Variants in CCDC141 observed in about 807,000 individuals in gnomAD.
CCDC141 encodes the protein coiled-coil domain-containing protein 141.
A neutral mutation model predicts 181.0 loss-of-function variants in CCDC141; 168 were observed. That is an observed-to-expected ratio of 0.93 (90% confidence interval 0.82 to 1.05). The LOEUF (loss-of-function observed/expected upper bound fraction) is 1.05, where lower values mean the gene tolerates loss of function less well. Ranked by LOEUF, CCDC141 falls within the 50% of genes least tolerant of loss-of-function variation. CCDC141 has a pLI of 0.00. For synonymous variants in CCDC141, 666 were observed against 642.3 expected, an observed-to-expected ratio of 1.04 and a Z score of -0.56; for missense variants, 1,902 against 1,788.5, an observed-to-expected ratio of 1.06 and a Z score of -1.14.
chr2:178,816,623 T>C, the CCDC141 span, among the ~76,000 whole-genome samples: 1 of 152,212 alleles, frequency 6.6e-6, no homozygotes, highest in Admixed American at 6.5e-5. Flanking sequence ...CCGAACTGTC[T>C]TCCAAAGTGG....
At chr2:179,005,382 A>G (rs1443903392) in intron 2 of CCDC141, among the ~76,000 whole-genome samples, 2 of 152,214 alleles carry the variant, frequency 1.3e-5, no homozygotes, top group Admixed American at 1.3e-4. Flanking sequence ...GTTTTAAAAT[A>G]CGTTATAATG....
intron 7 of CCDC141, among the ~76,000 whole-genome samples, chr2:178,914,863 A>G (rs1342737100): frequency 1.3e-5 from 2 of 152,200 alleles, no homozygotes; most frequent in African/African-American, 4.8e-5. Flanking sequence ...ATCCCTATCT[A>G]GAATTGTTAG....
At chr2:178,993,724 A>G (rs1692159896) in intron 2 of CCDC141, among the ~76,000 whole-genome samples, 1 of 152,212 alleles carries the variant, frequency 6.6e-6, no homozygotes, top group Non-Finnish European at 1.5e-5. Flanking sequence ...AGACAAGGTG[A>G]GTCCCTTCTG....
In CCDC141 at chr2:178,980,366, C is replaced by A. The variant is rs531007127; in HGVS notation, c.226-1691G>T. Among the ~76,000 whole-genome samples the A allele has an allele frequency of 4.7e-4, 72 of 152,208 alleles. 2 individuals carry two copies. In the South Asian group the frequency reaches 0.015, roughly 32 times the overall value. ...TCTGGAGGCTGAGGCAGGAGAATGG[C>A]ATGAACCCAGGAGGTGGAGCTTGCA... On this transcript the variant is annotated intron_variant, in intron 2 of 23. Transcript: ENST00000443758.
At chr2:178,901,620 G>A (rs1687696082) in intron 8 of CCDC141, among the ~76,000 whole-genome samples, 1 of 151,892 alleles carries the variant, frequency 6.6e-6, no homozygotes, top group Admixed American at 6.6e-5. Flanking sequence ...AATAATAAGA[G>A]CTATCTATGA....
At position 178,837,069 on chromosome 2, in the gene CCDC141, T is replaced by A. The variant is rs1260367616; in HGVS notation, c.4150A>T (p.Arg1384Trp). 6.2e-7 allele frequency: 1 copy of A among 1,614,004 alleles called. No homozygotes were observed. Among genetic ancestry groups the A allele is most frequent in the Non-Finnish European group, 8.5e-7 (1 of 1,179,964 alleles). ...FQSGTSRGYQRQMVPREEIKS... is the reference protein window; with the variant it reads ...FQSGTSRGYQWQMVPREEIKS... ...ATCTCTTCTCGAGGAACCATTTGCC[T>A]CTGATAGCCCCTGCTGGTGCCTGAT... The change falls in exon 23 of 24, where the codon AGG becomes TGG. Residue 1384 changes from arginine (R) to tryptophan (W), a missense_variant. Transcript: ENST00000443758.
intron 2 of CCDC141, among the ~76,000 whole-genome samples, chr2:178,998,711 C>T (rs1389252527): frequency 6.6e-6 from 1 of 152,002 alleles, no homozygotes; most frequent in Non-Finnish European, 1.5e-5. Context: ...CTGTTTTCTG[C>T]ACTCTTTTAC....
intron 5 of CCDC141, among the ~76,000 whole-genome samples, chr2:178,959,310 T>A (rs1243946983): frequency 1.9e-4 from 27 of 145,916 alleles, no homozygotes; most frequent in Non-Finnish European, 3.2e-4. Context: ...AAAATAAAAA[T>A]AAAAAATAAA....
At chr2:178,829,428 A>C (rs1684177554), downstream of CCDC141, among the ~76,000 whole-genome samples, 1 of 152,204 alleles carries the variant, frequency 6.6e-6, no homozygotes, top group African/African-American at 2.4e-5. Context: ...TCATGCCTCC[A>C]ACCTGCACTG....
chr2:178,846,632 G>T (rs1297673168), intron 21 of CCDC141, among the ~76,000 whole-genome samples: 8 of 152,178 alleles, frequency 5.3e-5, no homozygotes, highest in Admixed American at 1.3e-4. Context: ...GTATGCAGCT[G>T]ATATCTTATT....
At position 178,837,400 on chromosome 2, in the gene CCDC141, C is replaced by CGCAAAG. The variant is rs1684528458; in HGVS notation, c.3813_3818dup (p.Phe1272_Ala1273dup). The stretch of plus-strand genomic sequence containing the variant: ...TTTCTCTCTTATCATTGCATGCATC[C>CGCAAAG]GCAAAGGCAACAGGTGGTGGAAGAA... On this transcript the variant is annotated inframe_insertion, in exon 23 of 24. Transcript: ENST00000443758. The CGCAAAG allele has an allele frequency of 6.2e-7, 1 of 1,614,084 alleles. No individual in the cohort carries two copies. The highest frequency in any genetic ancestry group is 8.5e-7 in the Non-Finnish European group (1 of 1,180,000).
At position 178,865,884 on chromosome 2, in the gene CCDC141, C is replaced by T; in HGVS notation, c.2607G>A (p.Gln869=). The change falls in exon 17 of 24, where the codon CAG becomes CAA. Residue 869 remains glutamine, a synonymous_variant. Transcript: ENST00000443758. ...HCSNVSAKNL[Q]QQLELLEEDS... ...CCTCCTCAAGGAGCTCCAGCTGCTG[C>T]TGTAGGTTCTTTGCAGAAACATTAG... 6.3e-7 allele frequency: 1 copy of T among 1,597,654 alleles called. No individual in the cohort carries two copies. Among genetic ancestry groups the T allele is most frequent in the Non-Finnish European group, 8.5e-7 (1 of 1,172,018 alleles).
At chr2:178,932,784 GAAA>G (rs1689149234) in intron 6 of CCDC141, among the ~76,000 whole-genome samples, 1 of 152,030 alleles carries the variant, frequency 6.6e-6, no homozygotes, top group African/African-American at 2.4e-5. Context: ...TGTGTAATCA[GAAA>G]AATAAAACAA....
intron 5 of CCDC141, among the ~76,000 whole-genome samples, chr2:178,956,913 C>T (rs1575265372): frequency 2.0e-5 from 3 of 149,454 alleles, no homozygotes; most frequent in East Asian, 3.9e-4. Flanking sequence ...GAGTTTTGTT[C>T]GTGTTGCCCG....
At chr2:178,841,739 A>G (rs1381660929) in intron 22 of CCDC141, among the ~76,000 whole-genome samples, 1 of 152,154 alleles carries the variant, frequency 6.6e-6, no homozygotes. Context: ...GCATCTCCCA[A>G]GTTCAAATGA....
At chr2:178,980,664 G>C (rs569150873) in intron 2 of CCDC141, among the ~76,000 whole-genome samples, 86 of 152,240 alleles carry the variant, frequency 5.6e-4, no homozygotes, top group African/African-American at 1.9e-3. Flanking sequence ...TAAGACTCAA[G>C]TATACATTGT....
intron 12 of CCDC141, chr2:178,875,563 T>TAA: frequency 1.4e-5 from 2 of 144,934 alleles, no homozygotes; most frequent in Non-Finnish European, 3.0e-5. Context: ...AGACTCCATC[T>TAA]AAAAAAAAAA....
chr2:178,973,635 T>C (rs1216318576), intron 4 of CCDC141, among the ~76,000 whole-genome samples: 1 of 152,172 alleles, frequency 6.6e-6, no homozygotes, highest in African/African-American at 2.4e-5. Context: ...ACATTCCCCC[T>C]GCCAGCTCCA....
At chr2:178,854,222 T>C (rs763096551) in intron 19 of CCDC141, among the ~76,000 whole-genome samples, 1 of 152,170 alleles carries the variant, frequency 6.6e-6, no homozygotes, top group Non-Finnish European at 1.5e-5. Context: ...AATGAGACAG[T>C]TTCTCATTAA....
Sources: allele counts gnomAD v4.1 joint callset (sites outside exome capture counted in the v4.1 genomes callset), GRCh38; gene constraint gnomAD v4.1.1; transcripts MANE v1.5; gene names NCBI Gene and HGNC (gene_info 2026-07-23, HGNC 2026-07-21).